MIPEP: variants seen among roughly 807,000 people sequenced by gnomAD.
The protein encoded by MIPEP is mitochondrial intermediate peptidase.
Under a neutral mutation model 90.3 loss-of-function variants are expected in MIPEP, and 79 were observed. The ratio of observed to expected loss-of-function variants is 0.87; its 90% confidence interval spans 0.73 to 1.05. The LOEUF is 1.05. MIPEP is among the 50% of genes least tolerant of loss of function. MIPEP has a pLI of 0.00. For synonymous variants in MIPEP, 334 were observed against 315.8 expected, an observed-to-expected ratio of 1.06 and a Z score of -0.61; for missense variants, 940 against 905.6, an observed-to-expected ratio of 1.04 and a Z score of -0.49.
At chr13:23,870,523 T>C (rs576531548) in intron 5 of MIPEP, among the ~76,000 whole-genome samples, 1 of 152,050 alleles carries the variant, frequency 6.6e-6, no homozygotes, top group Non-Finnish European at 1.5e-5. Context: ...GAAAAACACA[T>C]GCCAGGTGCA....
In MIPEP at chr13:23,889,088, G is replaced by A. The variant is rs1352871342; in HGVS notation, c.189+44C>T. ...TTGCTGGCCGCGCGGAGCAGGGGTC[G>A]GCTTAGCTCGGGGACTGAGGGGAGC... On this transcript the variant is annotated intron_variant, in intron 1 of 18. Coordinates refer to ENST00000382172, the MANE Select transcript of MIPEP (RefSeq NM_005932.4). 5 of 1,365,464 alleles carry A rather than the reference G, an allele frequency of 3.7e-6. No homozygotes were observed. The South Asian group carries it at 5.1e-5, about 14-fold the overall frequency. The allele number at this position is 1,365,464 out of a possible 1,614,324, so 84.6% of individuals were successfully genotyped here. A position where few individuals can be genotyped will look rare whatever the true frequency, so the allele number is the denominator to read the frequency against.
At chr13:23,838,797 T>C (rs1869168694) in intron 12 of MIPEP, among the ~76,000 whole-genome samples, 1 of 152,170 alleles carries the variant, frequency 6.6e-6, no homozygotes, top group Non-Finnish European at 1.5e-5. Context: ...CCTCAGAGTC[T>C]GGTGACCTGC....
At chr13:23,838,576 C>G (rs1869160327) in intron 12 of MIPEP, among the ~76,000 whole-genome samples, 1 of 152,178 alleles carries the variant, frequency 6.6e-6, no homozygotes, top group Non-Finnish European at 1.5e-5. Flanking sequence ...CACTTATTCT[C>G]CACAACAACC....
At chr13:23,799,208 C>T (rs926780335) in intron 16 of MIPEP, among the ~76,000 whole-genome samples, 12 of 151,624 alleles carry the variant, frequency 7.9e-5, no homozygotes, top group Non-Finnish European at 1.3e-4. Context: ...CAGGGTTTCA[C>T]CATGTTGCCC....
chr13:23,887,465 T>A (rs1297121736), intron 1 of MIPEP, among the ~76,000 whole-genome samples: 1 of 152,132 alleles, frequency 6.6e-6, no homozygotes, highest in Non-Finnish European at 1.5e-5. Flanking sequence ...GGTCACAAAT[T>A]AATATTGGGA....
intron 14 of MIPEP, among the ~76,000 whole-genome samples, chr13:23,823,046 G>A (rs919172300): frequency 5.3e-5 from 8 of 152,156 alleles, no homozygotes; most frequent in Admixed American, 5.2e-4. Flanking sequence ...ATTTTATCCA[G>A]ATCCCCAGGT....
At chr13:23,849,117 G>A (rs866057826) in intron 10 of MIPEP, among the ~76,000 whole-genome samples, 44 of 152,314 alleles carry the variant, frequency 2.9e-4, no homozygotes, top group African/African-American at 9.9e-4. Flanking sequence ...ATGTGGCTCC[G>A]CCTGCCTCCA....
chr13:23,803,151 T>C (rs1953065654), intron 16 of MIPEP, among the ~76,000 whole-genome samples: 1 of 151,926 alleles, frequency 6.6e-6, no homozygotes, highest in Non-Finnish European at 1.5e-5. Context: ...TTATCTGAGG[T>C]TGGGAGTTCG....
At chr13:23,835,579 A>C (rs1463758533) in intron 14 of MIPEP, among the ~76,000 whole-genome samples, 2 of 152,120 alleles carry the variant, frequency 1.3e-5, no homozygotes, top group African/African-American at 4.8e-5. Flanking sequence ...ACATCACCTC[A>C]CGTAATACGG....
Position 23,806,068 on chromosome 13 carries a change from A to T in MIPEP, c.1730T>A (p.Val577Asp), listed in dbSNP as rs1953103550. 2 of 1,613,724 alleles carry T rather than the reference A, an allele frequency of 1.2e-6. No individual in the cohort carries two copies. The highest frequency in any genetic ancestry group is 2.2e-5 in the South Asian group (2 of 90,942). The stretch of plus-strand genomic sequence containing the variant: ...GATTTGATCCAGAGTGGCATAAAAG[A>T]CCTAGATAGATAAAAACATCTACTT... ...VCAAADMQLQ[V>D]FYATLDQIYH... The change falls in exon 16 of 19, where the codon GTC becomes GAC. Residue 577 changes from valine (V) to aspartate (D), a missense_variant and splice_region_variant. Val to Asp is a radical substitution (Grantham distance 152). Transcript: ENST00000382172.
At chr13:23,888,196 T>A (rs1871597120) in intron 1 of MIPEP, 1 of 391,486 alleles carries the variant, frequency 2.6e-6, no homozygotes, top group African/African-American at 2.2e-5. Flanking sequence ...CGCCTACAAG[T>A]AGGTCTCTTC....
intron 3 of MIPEP, among the ~76,000 whole-genome samples, chr13:23,879,963 C>T (rs1377486144): frequency 1.3e-5 from 2 of 152,132 alleles, no homozygotes; most frequent in African/African-American, 2.4e-5. Context: ...CCCATAGTAC[C>T]ACTAGCAGGA....
intron 7 of MIPEP, among the ~76,000 whole-genome samples, chr13:23,868,650 C>T (rs9510916): frequency 0.4 from 60,029 of 151,948 alleles, 12,045 homozygotes; most frequent in East Asian, 0.46. Flanking sequence ...TCCATCATCA[C>T]GGCCACCCTA....
chr13:23,754,856 G>A lies in MIPEP; in HGVS notation c.2044+1689C>T, dbSNP rs549012591. Among the ~76,000 whole-genome samples the A allele has an allele frequency of 3.9e-5, 6 of 152,286 alleles. No individual in the cohort carries two copies. The South Asian group carries it at 1.2e-3, about 32-fold the overall frequency. ...CCCAATCAGTAGCTTATTATGATGT[G>A]CCTATTGTTTCACTTTTGCCTGGGT... On this transcript the variant is annotated intron_variant, in intron 18 of 18. Coordinates refer to ENST00000382172, the MANE Select transcript of MIPEP (RefSeq NM_005932.4).
In MIPEP at chr13:23,845,868, G is replaced by C. The variant is rs116457625; in HGVS notation, c.1107-4380C>G. On this transcript the variant is annotated intron_variant, in intron 10 of 18. Coordinates refer to ENST00000382172, the MANE Select transcript of MIPEP (RefSeq NM_005932.4). Reference sequence around the variant, plus strand: ...TTCTTTCTAATAATTTGATATATTAGTGATATTTATAGTCTATATTTTAGC... The same window carrying C: ...TTCTTTCTAATAATTTGATATATTACTGATATTTATAGTCTATATTTTAGC... Among the ~76,000 whole-genome samples, 646 of 150,410 alleles carry C rather than the reference G, an allele frequency of 4.3e-3. 2 individuals are homozygous for C. Among genetic ancestry groups the C allele is most frequent in the African/African-American group, 0.015 (619 of 41,042 alleles).
intron 16 of MIPEP, among the ~76,000 whole-genome samples, chr13:23,772,923 G>C (rs1952669159): frequency 6.6e-6 from 1 of 152,024 alleles, no homozygotes; most frequent in Admixed American, 6.6e-5. Flanking sequence ...CTCTTTTCAA[G>C]TGTACACTTA....
chr13:23,774,118 G>A, intron 16 of MIPEP, among the ~76,000 whole-genome samples: 1 of 152,142 alleles, frequency 6.6e-6, no homozygotes, highest in Non-Finnish European at 1.5e-5. Context: ...GTACAAGGTA[G>A]GAGTCCAATT....
At chr13:23,877,105 A>T (rs548507456) in intron 4 of MIPEP, among the ~76,000 whole-genome samples, 1 of 152,204 alleles carries the variant, frequency 6.6e-6, no homozygotes, top group Non-Finnish European at 1.5e-5. Flanking sequence ...ACTATCTGGT[A>T]TAAGTCCCTT....
chr13:23,841,598 T>C (rs1869302469), intron 10 of MIPEP, 110 bp from the exon 11 acceptor site: 5 of 1,186,860 alleles, frequency 4.2e-6, no homozygotes, highest in East Asian at 2.5e-5. Context: ...TAAAGAAGGA[T>C]TCAAAACATA....
Sources: gnomAD v4.1 joint callset for allele counts (sites outside exome capture counted in the v4.1 genomes callset) on GRCh38, gnomAD v4.1.1 for gene constraint, MANE v1.5 for transcripts, NCBI Gene and HGNC (gene_info 2026-07-23, HGNC 2026-07-21) for gene names.